Variants in DDC observed in about 807,000 individuals in gnomAD.
DDC encodes dopa decarboxylase.
In DDC, 43 loss-of-function variants were observed where a neutral mutation model predicts 60.0. That is an observed-to-expected ratio of 0.72 (90% confidence interval 0.56 to 0.92). DDC has a LOEUF of 0.92. DDC is among the 40% of genes least tolerant of loss of function. The probability of loss-of-function intolerance (pLI) is 0.00; values close to 1 mark genes in which losing one functional copy is unlikely to be tolerated. For missense variants in DDC, 573 were observed against 620.2 expected, an observed-to-expected ratio of 0.92 and a Z score of 0.81; for synonymous variants, 232 against 234.6, an observed-to-expected ratio of 0.99 and a Z score of 0.10.
intron 5 of DDC, 109 bp from the exon 6 acceptor site, chr7:50,528,389 A>G: frequency 2.1e-6 from 3 of 1,399,626 alleles, no homozygotes; most frequent in South Asian, 1.2e-5. Flanking sequence ...GGTCCCTCTT[A>G]ACGGCACAGG....
chr7:50,521,091 A>C (rs1045266782), intron 6 of DDC, among the ~76,000 whole-genome samples: 1 of 152,064 alleles, frequency 6.6e-6, no homozygotes, highest in African/African-American at 2.4e-5. Flanking sequence ...AAAAAGACAC[A>C]CATTGCTAAT....
chr7:50,507,509 G>A (rs2153541259), intron 6 of DDC, among the ~76,000 whole-genome samples: 1 of 152,222 alleles, frequency 6.6e-6, no homozygotes, highest in African/African-American at 2.4e-5. Flanking sequence ...TGGGATTACT[G>A]GGGAGAGCCA....
chr7:50,511,052 TACACAC>T (rs377138071), intron 6 of DDC, among the ~76,000 whole-genome samples: 8,334 of 139,072 alleles, frequency 0.06, 316 homozygotes, highest in Non-Finnish European at 0.078. Context: ...GATATATCTA[TACACAC>T]ACACACACAC....
At chr7:50,463,181 G>A in intron 14 of DDC, 32 bp downstream of exon 14, 1 of 1,538,286 alleles carries the variant, frequency 6.5e-7, no homozygotes, top group South Asian at 1.2e-5. Flanking sequence ...GGGACAAGGA[G>A]ACAGGCAGAA....
intron 12 of DDC, among the ~76,000 whole-genome samples, chr7:50,469,008 C>G (rs2042466389): frequency 7.1e-6 from 1 of 140,442 alleles, no homozygotes; most frequent in Non-Finnish European, 1.5e-5. Context: ...GGCACAATCT[C>G]TGCTCATTGC....
intron 6 of DDC, among the ~76,000 whole-genome samples, chr7:50,519,952 C>A (rs1451369): frequency 0.71 from 107,908 of 151,236 alleles, 38,787 homozygotes; most frequent in East Asian, 0.8. Flanking sequence ...CAATCAAAAC[C>A]AAAACAAACA....
intron 13 of DDC, among the ~76,000 whole-genome samples, chr7:50,464,152 TAGAA>T (rs999465031): frequency 6.6e-6 from 1 of 151,884 alleles, no homozygotes; most frequent in African/African-American, 2.4e-5. Context: ...GAGTCTTAAA[TAGAA>T]GGAACTGAAT....
chr7:50,489,706 G>T (rs2042960035), intron 9 of DDC, among the ~76,000 whole-genome samples: 1 of 152,188 alleles, frequency 6.6e-6, no homozygotes, highest in Non-Finnish European at 1.5e-5. Flanking sequence ...TAGATTGGAA[G>T]AGCTAATATT....
intron 6 of DDC, among the ~76,000 whole-genome samples, chr7:50,518,757 TA>T (rs1246749556): frequency 6.6e-6 from 1 of 152,230 alleles, no homozygotes; most frequent in African/African-American, 2.4e-5. Context: ...ATTGAGGACT[TA>T]AACCTAAGAC....
chr7:50,468,561 C>A (rs2042453242), intron 12 of DDC, among the ~76,000 whole-genome samples: 1 of 152,204 alleles, frequency 6.6e-6, no homozygotes, highest in Non-Finnish European at 1.5e-5. Context: ...GCTCCTGGAA[C>A]TGTCCTCACC....
chr7:50,518,196 A>T (rs1235285637), intron 6 of DDC, among the ~76,000 whole-genome samples: 1 of 140,314 alleles, frequency 7.1e-6, no homozygotes, highest in Non-Finnish European at 1.5e-5. Context: ...TGGGTGACAG[A>T]GCGAGACTCC....
At chr7:50,477,954 C>G (rs2042683779) in intron 10 of DDC, among the ~76,000 whole-genome samples, 1 of 151,928 alleles carries the variant, frequency 6.6e-6, no homozygotes, top group Non-Finnish European at 1.5e-5. Context: ...GTAATCCCAG[C>G]ACTTTGAGAG....
rs1180153511 is a variant in DDC, at chr7:50,558,930, GAC to G, written c.-29+6353_-29+6354del. 2.0e-5 allele frequency among the ~76,000 whole-genome samples: 3 copies of G among 152,300 alleles called. No individual in the cohort carries two copies. In the East Asian group the frequency reaches 5.8e-4, roughly 29 times the overall value. On this transcript the variant is annotated intron_variant, in intron 1 of 14. Coordinates refer to ENST00000444124, the MANE Select transcript of DDC (RefSeq NM_001082971.2). ...TTCGGGTGGGAGTGCTGAGCCCGCA[GAC>G]ACACGTCTGCCTCCACCCACCTGGG... is the stretch of plus-strand genomic sequence containing the variant.
chr7:50,553,949 C>T (rs1437256774), intron 1 of DDC, among the ~76,000 whole-genome samples: 1 of 152,200 alleles, frequency 6.6e-6, no homozygotes, highest in East Asian at 1.9e-4. Context: ...AAAACATCCT[C>T]TAAGTTCTTT....
intron 1 of DDC, among the ~76,000 whole-genome samples, chr7:50,563,166 C>CAA (rs11306685): frequency 2.6e-5 from 3 of 115,136 alleles, no homozygotes; most frequent in South Asian, 2.9e-4. Flanking sequence ...GACTCCATCT[C>CAA]AAAAAAAAAA....
chr7:50,539,670 A>G (rs11575308), intron 3 of DDC, among the ~76,000 whole-genome samples: 9 of 152,176 alleles, frequency 5.9e-5, no homozygotes, highest in Admixed American at 5.9e-4. Context: ...AGTTCATACC[A>G]AGTGCTTCCA....
At chr7:50,470,222 G>T in intron 11 of DDC, 51 bp from the exon 12 acceptor site, 2 of 1,403,270 alleles carry the variant, frequency 1.4e-6, no homozygotes, top group Non-Finnish European at 2.0e-6. Flanking sequence ...TTAAAAGCTG[G>T]CTTCCTTTTC....
intron 6 of DDC, among the ~76,000 whole-genome samples, chr7:50,522,720 A>G (rs2043929824): frequency 6.6e-6 from 1 of 152,246 alleles, no homozygotes; most frequent in Non-Finnish European, 1.5e-5. Flanking sequence ...TCACATTGCT[A>G]TAAAGAACTT....
Position 50,471,012 on chromosome 7 carries a change from TGGGCCATCTGCC to T in DDC, c.1042-853_1042-842del, listed in dbSNP as rs2042518035. ...GCCAGGCGCGACACTCTAGCGCAGC[TGGGCCATCTGCC>T]GGGTGGGACTGCTTAGCCGGAGTCC... On this transcript the variant is annotated intron_variant, in intron 11 of 14. Transcript: ENST00000444124. Among the ~76,000 whole-genome samples, 5 of 152,350 alleles carry T rather than the reference TGGGCCATCTGCC, an allele frequency of 3.3e-5. No homozygotes were observed. In the South Asian group the frequency reaches 1.0e-3, roughly 32 times the overall value.
Sources: gnomAD v4.1 joint callset for allele counts (sites outside exome capture counted in the v4.1 genomes callset) on GRCh38, gnomAD v4.1.1 for gene constraint, MANE v1.5 for transcripts, NCBI Gene and HGNC (gene_info 2026-07-23, HGNC 2026-07-21) for gene names.